Variants in MAP3K5 observed in about 807,000 individuals in gnomAD.
The protein encoded by MAP3K5 is ASK-1.
MAP3K5 carries 56 observed loss-of-function variants against 158.7 expected under a neutral mutation model. The ratio of observed to expected loss-of-function variants is 0.35; its 90% CI spans 0.28 to 0.44. MAP3K5 has a LOEUF of 0.44. MAP3K5 is among the 20% of genes least tolerant of loss of function. The pLI is 1.00. For missense variants in MAP3K5, 1,294 were observed against 1,674.8 expected, an observed-to-expected ratio of 0.77 and a Z score of 3.97; for synonymous variants, 579 against 601.7, an observed-to-expected ratio of 0.96 and a Z score of 0.55.
chr6:136,735,027 G>C (rs1051903819), intron 1 of MAP3K5, among the ~76,000 whole-genome samples: 3 of 152,198 alleles, frequency 2.0e-5, no homozygotes, highest in Non-Finnish European at 2.9e-5. Context: ...TCTTCACATG[G>C]AAAACAGAAA....
At chr6:136,757,586 ATTTTTTTTT>A (rs897486770) in intron 1 of MAP3K5, among the ~76,000 whole-genome samples, 21 of 127,818 alleles carry the variant, frequency 1.6e-4, no homozygotes, top group African/African-American at 5.9e-4. Flanking sequence ...TTTATTTTTT[ATTTTTTTTT>A]TTTTTTTTTG....
At chr6:136,662,546 T>C (rs1779050569) in intron 8 of MAP3K5, among the ~76,000 whole-genome samples, 1 of 151,988 alleles carries the variant, frequency 6.6e-6, no homozygotes. Context: ...TTTCTCTCCC[T>C]CTCTCTCTTC....
At chr6:136,787,058 A>G (rs1487736147) in intron 1 of MAP3K5, among the ~76,000 whole-genome samples, 1 of 151,986 alleles carries the variant, frequency 6.6e-6, no homozygotes, top group African/African-American at 2.4e-5. Flanking sequence ...TTCAGGTGTC[A>G]CCACCTTTAA....
Position 136,748,776 on chromosome 6 carries a change from A to T in MAP3K5, c.449-28187T>A, listed in dbSNP as rs527398241. 4.6e-5 allele frequency among the ~76,000 whole-genome samples: 7 copies of T among 152,380 alleles called. No individual in the cohort carries two copies. The South Asian group carries it at 1.4e-3, about 32-fold the overall frequency. On this transcript the variant is annotated intron_variant, in intron 1 of 29. Coordinates refer to ENST00000359015, the MANE Select transcript of MAP3K5 (RefSeq NM_005923.4). Reference sequence around the variant, plus strand: ...AGAAATTGTGGTCAAAGGTAAGAGAATAACTTCTAAGAAATGAGTGTAAAA... The same window carrying T: ...AGAAATTGTGGTCAAAGGTAAGAGATTAACTTCTAAGAAATGAGTGTAAAA...
intron 9 of MAP3K5, among the ~76,000 whole-genome samples, chr6:136,657,349 T>G (rs913669045): frequency 6.6e-6 from 1 of 152,214 alleles, no homozygotes; most frequent in African/African-American, 2.4e-5. Context: ...AAAATTAAGT[T>G]AGTGGAACCT....
At chr6:136,644,818 G>A (rs544490700) in intron 11 of MAP3K5, among the ~76,000 whole-genome samples, 3 of 152,218 alleles carry the variant, frequency 2.0e-5, no homozygotes, top group South Asian at 2.1e-4. Flanking sequence ...CCTCCTCCCC[G>A]GGATGCCGCC....
At chr6:136,717,022 G>A (rs553379648) in intron 2 of MAP3K5, among the ~76,000 whole-genome samples, 53 of 151,874 alleles carry the variant, frequency 3.5e-4, no homozygotes, top group African/African-American at 1.2e-3. Context: ...GCCAGGCATG[G>A]TGGCACGTGC....
chr6:136,695,627 T>G (rs1254398369), intron 6 of MAP3K5, among the ~76,000 whole-genome samples: 1 of 152,260 alleles, frequency 6.6e-6, no homozygotes, highest in Non-Finnish European at 1.5e-5. Flanking sequence ...TGGTGTTGAG[T>G]GTATTTGCTT....
intron 25 of MAP3K5, among the ~76,000 whole-genome samples, chr6:136,575,046 G>A (rs1180850044): frequency 6.6e-6 from 1 of 151,990 alleles, no homozygotes; most frequent in Non-Finnish European, 1.5e-5. Context: ...CAGAGAAGTT[G>A]CAAAAATAGT....
intron 25 of MAP3K5, among the ~76,000 whole-genome samples, chr6:136,579,532 T>G (rs891240239): frequency 6.6e-6 from 1 of 152,214 alleles, no homozygotes; most frequent in Non-Finnish European, 1.5e-5. Context: ...GTGAAAATAT[T>G]CTTTATGATA....
At chr6:136,638,159 T>C (rs1040022362) in intron 13 of MAP3K5, among the ~76,000 whole-genome samples, 3 of 151,956 alleles carry the variant, frequency 2.0e-5, no homozygotes, top group African/African-American at 7.3e-5. Flanking sequence ...CGCTATTAAA[T>C]AGCACAATGA....
At chr6:136,672,376 G>A (rs187778233) in intron 7 of MAP3K5, among the ~76,000 whole-genome samples, 1 of 152,304 alleles carries the variant, frequency 6.6e-6, no homozygotes, top group Admixed American at 6.5e-5. Flanking sequence ...TCTTTCATGG[G>A]GCATTTGCTG....
chr6:136,671,412 T>C (rs2114536713), intron 7 of MAP3K5, among the ~76,000 whole-genome samples: 1 of 152,330 alleles, frequency 6.6e-6, no homozygotes, highest in East Asian at 1.9e-4. Context: ...TCCATGAGAC[T>C]AAATTGAGTA....
intron 25 of MAP3K5, among the ~76,000 whole-genome samples, chr6:136,573,159 C>T (rs1774446753): frequency 6.6e-6 from 1 of 152,120 alleles, no homozygotes; most frequent in African/African-American, 2.4e-5. Context: ...AGAAGATGGC[C>T]CTCTCCAATG....
chr6:136,667,393 T>C (rs1779273629), intron 8 of MAP3K5, among the ~76,000 whole-genome samples: 1 of 152,130 alleles, frequency 6.6e-6, no homozygotes, highest in African/African-American at 2.4e-5. Context: ...CAAATTGCAA[T>C]GTACCTTCTC....
At chr6:136,736,916 G>A (rs1231574510) in intron 1 of MAP3K5, among the ~76,000 whole-genome samples, 2 of 151,752 alleles carry the variant, frequency 1.3e-5, no homozygotes, top group South Asian at 2.1e-4. Flanking sequence ...GGACTCAAGT[G>A]ATCCTCCCAC....
chr6:136,635,820 C>T (rs750909830), intron 14 of MAP3K5, among the ~76,000 whole-genome samples: 1 of 150,956 alleles, frequency 6.6e-6, no homozygotes, highest in Non-Finnish European at 1.5e-5. Context: ...GGTCAAGAGG[C>T]TACAATGAGC....
intron 25 of MAP3K5, among the ~76,000 whole-genome samples, chr6:136,572,433 T>C (rs1774412729): frequency 1.3e-5 from 2 of 152,152 alleles, no homozygotes; most frequent in South Asian, 4.1e-4. Context: ...TAATTTTGTA[T>C]TTTTGTAGAG....
chr6:136,721,400 T>C (rs1049113175), intron 1 of MAP3K5, among the ~76,000 whole-genome samples: 2 of 151,780 alleles, frequency 1.3e-5, no homozygotes, highest in African/African-American at 2.4e-5. Context: ...AAAAAAGGTA[T>C]AGAAAATATA....
Sources: gnomAD v4.1 joint callset for allele counts (sites outside exome capture counted in the v4.1 genomes callset) on GRCh38, gnomAD v4.1.1 for gene constraint, MANE v1.5 for transcripts, NCBI Gene and HGNC (gene_info 2026-07-23, HGNC 2026-07-21) for gene names.